SYNE2: variants seen among roughly 807,000 people sequenced by gnomAD.
The protein encoded by SYNE2 is spectrin repeat containing nuclear envelope protein 2.
In SYNE2, 431 loss-of-function variants were observed where a neutral mutation model predicts 856.3. The observed-to-expected ratio is 0.50, with a 90% CI of 0.47 to 0.55. SYNE2 has a LOEUF of 0.55. Ranked by LOEUF, SYNE2 falls within the 20% of genes least tolerant of loss-of-function variation. The pLI is 0.00. For missense variants in SYNE2, 8,129 were observed against 8,023.2 expected (o/e 1.01, Z -0.50); for synonymous variants, 2,923 against 2,872.3 (o/e 1.02, Z -0.56).
intron 1 of SYNE2, among the ~76,000 whole-genome samples, chr14:63,858,689 A>T (rs1892614394): frequency 6.6e-6 from 1 of 152,102 alleles, no homozygotes; most frequent in Admixed American, 6.5e-5. Flanking sequence ...ATCTCTTAAT[A>T]CTGTAATATT....
intron 1 of SYNE2, among the ~76,000 whole-genome samples, chr14:63,770,316 A>C (rs1886853051): frequency 1.3e-5 from 2 of 152,132 alleles, no homozygotes; most frequent in African/African-American, 4.8e-5. Context: ...TGTTAAGTAA[A>C]GCTAAACTCC....
chr14:64,194,399 TCTC>T (rs1253980731), intron 99 of SYNE2, among the ~76,000 whole-genome samples: 1 of 152,008 alleles, frequency 6.6e-6, no homozygotes, highest in East Asian at 1.9e-4. Flanking sequence ...CTCAAACAAT[TCTC>T]CTACCTCAGC....
At chr14:64,086,930 G>A (rs1490011695) in intron 57 of SYNE2, among the ~76,000 whole-genome samples, 3 of 150,874 alleles carry the variant, frequency 2.0e-5, no homozygotes, top group Admixed American at 1.3e-4. Flanking sequence ...GGCTGGTCTC[G>A]AACTCCTGAC....
chr14:64,194,008 C>T (rs537877846), intron 99 of SYNE2, among the ~76,000 whole-genome samples: 1 of 152,254 alleles, frequency 6.6e-6, no homozygotes, highest in South Asian at 2.1e-4. Context: ...ATAAAGAGGC[C>T]TGTGATTGGC....
At chr14:63,850,245 C>CTTT (rs34763098), upstream of SYNE2, among the ~76,000 whole-genome samples, 21 of 112,452 alleles carry the variant, frequency 1.9e-4, no homozygotes, top group Non-Finnish European at 3.0e-4. Context: ...CCACACCTAG[C>CTTT]TTTTTTTTTT....
intron 1 of SYNE2, among the ~76,000 whole-genome samples, chr14:63,782,462 C>A (rs1595105028): frequency 7.3e-5 from 5 of 68,416 alleles, no homozygotes; most frequent in African/African-American, 6.0e-5. Flanking sequence ...AGTGAAACTC[C>A]ATCTCAAAAA....
rs2095758666 is a variant in SYNE2 at position 63,931,740 on chromosome 14, G to A, written c.80-8874G>A. Among the ~76,000 whole-genome samples the A allele has an allele frequency of 2.0e-5, 3 of 152,014 alleles. No homozygotes were observed. The South Asian group carries it at 6.2e-4, about 32-fold the overall frequency. ...TTTTTCTACATTACACTGCTGAGGG[G>A]AAGCAAAAACACAAAAGCACAAAGG... On this transcript the variant is annotated intron_variant, in intron 2 of 115. Transcript: ENST00000555002.
chr14:63,786,924 G>C (rs568347349), intron 1 of SYNE2, among the ~76,000 whole-genome samples: 1 of 152,170 alleles, frequency 6.6e-6, no homozygotes, highest in Admixed American at 6.6e-5. Context: ...CACCATGCCT[G>C]TCTAGCTTTT....
chr14:63,957,171 C>T (rs1274957571), intron 8 of SYNE2, among the ~76,000 whole-genome samples: 3 of 150,462 alleles, frequency 2.0e-5, no homozygotes, highest in East Asian at 1.9e-4. Flanking sequence ...AATCTTGGCT[C>T]GCTGCAACCT....
At chr14:64,161,626 C>G (rs1045799105) in intron 87 of SYNE2, among the ~76,000 whole-genome samples, 1 of 151,476 alleles carries the variant, frequency 6.6e-6, no homozygotes, top group Non-Finnish European at 1.5e-5. Context: ...TGGCTCACAC[C>G]TATAATCCCA....
chr14:64,130,884 A>G (rs1001913553), intron 76 of SYNE2, among the ~76,000 whole-genome samples: 1 of 117,058 alleles, frequency 8.5e-6, no homozygotes, highest in African/African-American at 3.3e-5. Context: ...ACTCTATCTC[A>G]AAAAAAAAAA....
intron 75 of SYNE2, 47 bp from the exon 76 acceptor site, chr14:64,130,001 C>A (rs1385659435): frequency 6.2e-7 from 1 of 1,612,996 alleles, no homozygotes; most frequent in Non-Finnish European, 8.5e-7. Context: ...CAGTTATTGC[C>A]CCGGTTGGAT....
intron 33 of SYNE2, among the ~76,000 whole-genome samples, 197 bp from the exon 34 acceptor site, chr14:64,017,398 A>G (rs1431846000): frequency 6.6e-6 from 1 of 151,956 alleles, no homozygotes; most frequent in Admixed American, 6.6e-5. Context: ...AAGCTACAGC[A>G]AATCAGGTAA....
rs1482327560 is a variant in SYNE2, at chr14:64,185,070, A to G, written c.17557-1354A>G. 2.6e-5 allele frequency among the ~76,000 whole-genome samples: 4 copies of G among 152,250 alleles called. No homozygotes were observed. The South Asian group carries it at 8.3e-4, about 32-fold the overall frequency. ...GGGGAGTTTGAGACCAGCCTGGGCA[A>G]AATGGTGAGACTTCCATCTCTACAA... On this transcript the variant is annotated intron_variant, in intron 96 of 115. Transcript: ENST00000555002.
At chr14:63,780,460 G>C (rs1887267083) in intron 1 of SYNE2, among the ~76,000 whole-genome samples, 1 of 152,138 alleles carries the variant, frequency 6.6e-6, no homozygotes, top group Non-Finnish European at 1.5e-5. Flanking sequence ...CTTGAACCAG[G>C]GAGGTAGAGG....
chr14:64,097,165 C>T (rs1344307785), intron 61 of SYNE2, among the ~76,000 whole-genome samples: 1 of 152,174 alleles, frequency 6.6e-6, no homozygotes, highest in Non-Finnish European at 1.5e-5. Context: ...TTGATCTGCA[C>T]ATATCAATAA....
intron 103 of SYNE2, among the ~76,000 whole-genome samples, chr14:64,211,252 G>C (rs543166018): frequency 2.0e-5 from 3 of 152,272 alleles, no homozygotes; most frequent in South Asian, 4.1e-4. Context: ...TGCTGGGATC[G>C]TGGGTGTGAG....
intron 12 of SYNE2, 66 bp downstream of exon 12, chr14:63,976,793 A>T: frequency 2.0e-6 from 3 of 1,527,936 alleles, no homozygotes; most frequent in Non-Finnish European, 9.1e-7. Context: ...CTTGAGGAAG[A>T]CTTTGTCCTA....
rs537309154 is a variant in SYNE2, at chr14:63,836,315, C to A, written c.-304-16186C>A. Reference sequence around the variant, plus strand: ...CTGGGATTATGGGCATTAGTCACCACACCCAGGCTTGTTTTTAGAAGTTAT... The same window carrying A: ...CTGGGATTATGGGCATTAGTCACCAAACCCAGGCTTGTTTTTAGAAGTTAT... On this transcript the variant is annotated intron_variant, in intron 1 of 23. Coordinates refer to the SYNE2 transcript ENST00000674003. 3.2e-3 allele frequency among the ~76,000 whole-genome samples: 492 copies of A among 152,250 alleles called. 4 individuals are homozygous for A. Among genetic ancestry groups the A allele is most frequent in the African/African-American group, 0.011 (461 of 41,554 alleles).
Sources: gnomAD v4.1 joint callset for allele counts (sites outside exome capture counted in the v4.1 genomes callset) on GRCh38, gnomAD v4.1.1 for gene constraint, MANE v1.5 for transcripts, NCBI Gene and HGNC (gene_info 2026-07-23, HGNC 2026-07-21) for gene names.